Variants in PTDSS2 observed in about 807,000 individuals in gnomAD.
PTDSS2 encodes phosphatidylserine synthase 2.
PTDSS2 carries 41 observed loss-of-function variants against 64.7 expected under a neutral mutation model. The observed-to-expected ratio is 0.63, with a 90% CI of 0.49 to 0.82. PTDSS2 has a LOEUF of 0.82. Among genes scored for constraint, PTDSS2 ranks in the 40% least tolerant of loss-of-function variants. The pLI, the probability that PTDSS2 is intolerant of heterozygous loss-of-function variation, is 0.00. For missense variants in PTDSS2, 485 were observed against 650.0 expected (o/e 0.75, Z 2.76); for synonymous variants, 297 against 277.8 (o/e 1.07, Z -0.69).
intron 6 of PTDSS2, among the ~76,000 whole-genome samples, 186 bp from the exon 7 acceptor site, chr11:488,013 C>T (rs940447457): frequency 3.4e-5 from 5 of 147,588 alleles, no homozygotes; most frequent in Admixed American, 2.1e-4. Flanking sequence ...TGGGCAGGGC[C>T]GGGCGTGGCC....
intron 6 of PTDSS2, among the ~76,000 whole-genome samples, 172 bp from the exon 7 acceptor site, chr11:488,027 G>A (rs915445223): frequency 2.1e-5 from 3 of 146,152 alleles, no homozygotes; most frequent in Non-Finnish European, 3.0e-5. Context: ...CGTGGCCTGC[G>A]TCCCATACTC....
chr11:458,171 T>C (rs1035241853), intron 1 of PTDSS2, among the ~76,000 whole-genome samples: 5 of 152,202 alleles, frequency 3.3e-5, no homozygotes, highest in African/African-American at 1.2e-4. Flanking sequence ...TTGAGCTGTA[T>C]GAGTTCTTTA....
At chr11:463,498 T>G (rs1846993387) in intron 2 of PTDSS2, 1 of 150,130 alleles carries the variant, frequency 6.7e-6, no homozygotes, top group African/African-American at 2.5e-5. Flanking sequence ...ACGTGTAGCC[T>G]CGCCTCCCCA....
rs1847967440 is a variant in PTDSS2, at chr11:479,382, G to T, written c.435+230G>T. 1.7e-6 allele frequency: 1 copy of T among 597,170 alleles called. No homozygotes were observed. Among genetic ancestry groups the T allele is most frequent in the African/African-American group, 1.9e-5 (1 of 53,256 alleles). 37.0% of individuals were successfully genotyped at this position (597,170 alleles called of 1,614,324 possible). On this transcript the variant is annotated intron_variant, in intron 4 of 11. Coordinates refer to ENST00000308020, the MANE Select transcript of PTDSS2 (RefSeq NM_030783.3). This position sits in a 1 kb window ranked among gnomAD's most constrained non-coding sequence, Gnocchi z 4.2. ...TCAAAACGTAGGCCGAGCTGCGGGG[G>T]GCCTCCAGGAGCATCTGCTGGTGGG...
intron 1 of PTDSS2, among the ~76,000 whole-genome samples, chr11:457,408 C>T (rs1262750498): frequency 6.6e-6 from 1 of 152,212 alleles, no homozygotes; most frequent in Non-Finnish European, 1.5e-5. Flanking sequence ...TTGTGCCTGG[C>T]GTCTGTAGCG....
rs1848648992 is a variant in PTDSS2, at chr11:490,801, C to CGTGTGTATGCGT, written c.*226_*227insTGCGTGTGTGTA. On this transcript the variant is annotated 3_prime_UTR_variant, in exon 12 of 12. Transcript: ENST00000308020. ...GTACGTGTGTATGCGTGTGTGTACG[C>CGTGTGTATGCGT]GTGTGTACGCGCGTGTGTACACATG... The CGTGTGTATGCGT allele has an allele frequency of 1.7e-6, 1 of 575,640 alleles. No homozygotes were observed. Among genetic ancestry groups the CGTGTGTATGCGT allele is most frequent in the Admixed American group, 3.2e-5 (1 of 31,548 alleles). 35.7% of individuals were successfully genotyped at this position (575,640 alleles called of 1,614,324 possible).
intron 3 of PTDSS2, among the ~76,000 whole-genome samples, chr11:474,762 C>T (rs1847647932): frequency 6.9e-6 from 1 of 144,646 alleles, no homozygotes; most frequent in African/African-American, 2.9e-5. Flanking sequence ...TAGAAAATTT[C>T]GAAAATACAA....
chr11:450,317 T>A lies in PTDSS2; in HGVS notation c.-139T>A. On this transcript the variant is annotated 5_prime_UTR_variant, in exon 1 of 12. Transcript: ENST00000308020. ...CACCCTTTACTGGCCGGCCCCGCGCTGCTCTCCTAAGACCCCGCGGGCCAG... is the reference window on the plus strand; with the variant it reads ...CACCCTTTACTGGCCGGCCCCGCGCAGCTCTCCTAAGACCCCGCGGGCCAG... The A allele has an allele frequency of 1.5e-6, 1 of 662,772 alleles. No homozygotes were observed. The highest frequency in any genetic ancestry group is 2.1e-6 in the Non-Finnish European group (1 of 474,304). 41.1% of individuals were successfully genotyped at this position (662,772 alleles called of 1,614,324 possible).
intron 2 of PTDSS2, among the ~76,000 whole-genome samples, chr11:469,683 G>A (rs1847329506): frequency 6.7e-6 from 1 of 149,422 alleles, no homozygotes. Flanking sequence ...TACAAGCTGA[G>A]GGGGCCTAGA....
Position 479,445 on chromosome 11 carries a change from G to A in PTDSS2, c.435+293G>A. On this transcript the variant is annotated intron_variant, in intron 4 of 11. Coordinates refer to ENST00000308020, the MANE Select transcript of PTDSS2 (RefSeq NM_030783.3). This position sits in a 1 kb window ranked among gnomAD's most constrained non-coding sequence, Gnocchi z 4.2. ...GCCATTTAGCAGGGCCACACTTAAG[G>A]AGGGCAGGGCCAGTGGTGCAGGCAC... The A allele has an allele frequency of 2.0e-6, 1 of 510,950 alleles. No homozygotes were observed. The highest frequency in any genetic ancestry group is 3.6e-6 in the Non-Finnish European group (1 of 281,284). The allele number at this position is 510,950 out of a possible 1,614,324, so 31.7% of individuals were successfully genotyped here. A position where few individuals can be genotyped will look rare whatever the true frequency, so the allele number is the denominator to read the frequency against.
chr11:488,018 G>A lies in PTDSS2; in HGVS notation c.622-181G>A, dbSNP rs988721666. The stretch of plus-strand genomic sequence containing the variant: ...CACGCACCCGTGGGCAGGGCCGGGC[G>A]TGGCCTGCGTCCCATACTCTGGCTG... On this transcript the variant is annotated intron_variant, in intron 6 of 11. Coordinates refer to ENST00000308020, the MANE Select transcript of PTDSS2 (RefSeq NM_030783.3). 9.5e-5 allele frequency among the ~76,000 whole-genome samples: 14 copies of A among 147,324 alleles called. 1 individual carries two copies. Among genetic ancestry groups the A allele is most frequent in the South Asian group, 4.3e-4 (2 of 4,680 alleles).
At chr11:452,007 C>T (rs1445481867) in intron 1 of PTDSS2, among the ~76,000 whole-genome samples, 1 of 152,192 alleles carries the variant, frequency 6.6e-6, no homozygotes, top group African/African-American at 2.4e-5. Flanking sequence ...GGTGCCCTGC[C>T]ACACCCCTTC....
upstream of PTDSS2, chr11:448,365 G>A (rs1846182422): frequency 6.6e-6 from 1 of 152,284 alleles, no homozygotes; most frequent in Non-Finnish European, 1.5e-5. Context: ...TGCAGTTTGA[G>A]AGAACACCCA....
intron 3 of PTDSS2, among the ~76,000 whole-genome samples, chr11:475,416 G>A (rs918197987): frequency 4.2e-5 from 6 of 144,016 alleles, no homozygotes; most frequent in South Asian, 4.3e-4. Context: ...ACATATTCAC[G>A]CATTTGTGTG....
chr11:469,175 C>G (rs1189874294), intron 2 of PTDSS2, among the ~76,000 whole-genome samples: 2 of 104,046 alleles, frequency 1.9e-5, no homozygotes, highest in Non-Finnish European at 3.9e-5. Context: ...GGAGGGCAGT[C>G]TCTGGGTAAT....
chr11:448,603 GGCCCAACAGCAC>G (rs1452952343), upstream of PTDSS2, among the ~76,000 whole-genome samples: 1 of 152,216 alleles, frequency 6.6e-6, no homozygotes, highest in Non-Finnish European at 1.5e-5. Context: ...GGCCTGGGGA[GGCCCAACAGCAC>G]GCCCCCTGGA....
intron 1 of PTDSS2, among the ~76,000 whole-genome samples, chr11:452,799 C>T (rs1458135489): frequency 2.0e-5 from 3 of 152,210 alleles, no homozygotes; most frequent in Non-Finnish European, 4.4e-5. Flanking sequence ...CTCACACTGA[C>T]CTCCTGAGTC....
In PTDSS2 at chr11:489,395, C is replaced by G. The variant is rs1192686686; in HGVS notation, c.855-5C>G. The G allele has an allele frequency of 6.2e-7, 1 of 1,611,802 alleles. No individual in the cohort carries two copies. Among genetic ancestry groups the G allele is most frequent in the Non-Finnish European group, 8.5e-7 (1 of 1,179,018 alleles). ...TCCTCAGGCTGCCGGCTCTGTGGTTCCCAGGGGCAAGATGAAGAGGATCGC... is the reference window on the plus strand; with the variant it reads ...TCCTCAGGCTGCCGGCTCTGTGGTTGCCAGGGGCAAGATGAAGAGGATCGC... On this transcript the variant is annotated splice_polypyrimidine_tract_variant and splice_region_variant and intron_variant, in intron 8 of 11. Coordinates refer to ENST00000308020, the MANE Select transcript of PTDSS2 (RefSeq NM_030783.3).
chr11:472,414 G>T (rs1338022713), intron 2 of PTDSS2, among the ~76,000 whole-genome samples: 2 of 152,220 alleles, frequency 1.3e-5, no homozygotes, highest in Non-Finnish European at 2.9e-5. Flanking sequence ...AGCAGCGAGG[G>T]CATCTCTGCC....
Sources: allele counts gnomAD v4.1 joint callset (sites outside exome capture counted in the v4.1 genomes callset), GRCh38; gene constraint gnomAD v4.1.1; non-coding constraint Gnocchi (gnomAD v3.1); transcripts MANE v1.5; gene names NCBI Gene and HGNC (gene_info 2026-07-23, HGNC 2026-07-21).